The following EXOC6 variants were observed in gnomAD, a reference collection of about 807,000 sequenced individuals.
EXOC6 encodes SEC15-like 1.
Under a neutral mutation model 112.5 loss-of-function variants are expected in EXOC6, and 60 were observed. The ratio of observed to expected loss-of-function variants is 0.53; its 90% confidence interval spans 0.43 to 0.66. The LOEUF (loss-of-function observed/expected upper bound fraction) is 0.66. Ranked by LOEUF, EXOC6 falls within the 30% of genes least tolerant of loss-of-function variation. The pLI, the probability that EXOC6 is intolerant of heterozygous loss-of-function variation, is 0.00. For missense variants in EXOC6, 855 were observed against 957.1 expected, an observed-to-expected ratio of 0.89 and a Z score of 1.41; for synonymous variants, 295 against 308.0, an observed-to-expected ratio of 0.96 and a Z score of 0.44.
rs58871930 is a variant in EXOC6 at position 92,837,097 on chromosome 10, A to AACACACACACACACACAC, written c.86+2295_86+2312dup. Among the ~76,000 whole-genome samples, 10 of 139,778 alleles carry AACACACACACACACACAC rather than the reference A, an allele frequency of 7.2e-5. 1 individual carries two copies. Among genetic ancestry groups the AACACACACACACACACAC allele is most frequent in the Non-Finnish European group, 1.1e-4 (7 of 64,830 alleles). The allele number at this position is 139,778 out of a possible 152,430, so 91.7% of individuals were successfully genotyped here. On this transcript the variant is annotated intron_variant, in intron 1 of 21. Coordinates refer to the EXOC6 transcript ENST00000371552. ...CTTTAGCCTGAAATGGTTATAACAT[A>AACACACACACACACACAC]ACACACACACACACACACACACACA...
At chr10:92,999,521 C>T (rs1564899007) in intron 19 of EXOC6, 1 of 224,520 alleles carries the variant, frequency 4.5e-6, no homozygotes, top group South Asian at 5.3e-5. Context: ...AAGACATTTT[C>T]GTGTTACAGT....
intron 9 of EXOC6, among the ~76,000 whole-genome samples, chr10:92,932,589 T>C (rs772026305): frequency 4.6e-5 from 7 of 152,224 alleles, no homozygotes; most frequent in Admixed American, 1.3e-4. Flanking sequence ...TAGGATTCTA[T>C]ATCCAGTGAA....
chr10:93,035,632 AT>A (rs1845482224), intron 20 of EXOC6, among the ~76,000 whole-genome samples: 1 of 152,132 alleles, frequency 6.6e-6, no homozygotes, highest in Non-Finnish European at 1.5e-5. Flanking sequence ...AGGTGAGCGG[AT>A]CACTTGAGGC....
chr10:92,831,588 C>T (rs936528968), upstream of EXOC6, among the ~76,000 whole-genome samples: 4 of 152,150 alleles, frequency 2.6e-5, no homozygotes, highest in South Asian at 8.3e-4. Context: ...TGCGTGCCAC[C>T]ATGCCTGGCT....
Position 92,863,640 on chromosome 10 carries a change from C to T in EXOC6, c.101+15006C>T, listed in dbSNP as rs185434717. Among the ~76,000 whole-genome samples, 7 of 152,016 alleles carry T rather than the reference C, an allele frequency of 4.6e-5. No homozygotes were observed. The East Asian group carries it at 1.2e-3, about 25-fold the overall frequency. On this transcript the variant is annotated intron_variant, in intron 1 of 21. Coordinates refer to ENST00000260762, the MANE Select transcript of EXOC6 (RefSeq NM_019053.6). ...AAAAAATTTTAAGAAAAGTCCGGTG[C>T]GGTGGCTCACGCCTGTAATCCCAGC...
At chr10:93,038,861 A>C (rs1771438875) in intron 20 of EXOC6, among the ~76,000 whole-genome samples, 1 of 152,244 alleles carries the variant, frequency 6.6e-6, no homozygotes, top group South Asian at 2.1e-4. Context: ...ACAAAGGAAA[A>C]GTAAGTATAT....
chr10:92,871,344 T>C (rs1848435491), intron 1 of EXOC6, among the ~76,000 whole-genome samples: 1 of 150,882 alleles, frequency 6.6e-6, no homozygotes, highest in Admixed American at 6.6e-5. Context: ...CTGCGTGACA[T>C]AGGGAGACCC....
At chr10:93,037,052 TTAAC>T (rs1845545087) in intron 20 of EXOC6, among the ~76,000 whole-genome samples, 1 of 152,182 alleles carries the variant, frequency 6.6e-6, no homozygotes, top group Non-Finnish European at 1.5e-5. Flanking sequence ...AAACTAATGA[TTAAC>T]TATTAACATT....
intron 13 of EXOC6, among the ~76,000 whole-genome samples, chr10:92,945,027 C>T (rs1358182531): frequency 6.6e-6 from 1 of 152,156 alleles, no homozygotes; most frequent in Non-Finnish European, 1.5e-5. Flanking sequence ...CTGCTTCCGC[C>T]TCCCAAAGTG....
chr10:92,834,700 C>T, upstream of EXOC6: 1 of 1,524,836 alleles, frequency 6.6e-7, no homozygotes, highest in Non-Finnish European at 9.0e-7. Context: ...CACTCAATAT[C>T]TGACATCTGC....
intron 1 of EXOC6, among the ~76,000 whole-genome samples, chr10:92,843,216 G>T (rs1589679749): frequency 6.6e-6 from 1 of 152,260 alleles, no homozygotes; most frequent in South Asian, 2.1e-4. Context: ...TTTACAGCAG[G>T]AATCCTCCCA....
chr10:92,979,154 G>T (rs770975927), intron 18 of EXOC6, among the ~76,000 whole-genome samples: 2 of 152,068 alleles, frequency 1.3e-5, no homozygotes, highest in Non-Finnish European at 2.9e-5. Flanking sequence ...CCTGCCAAAA[G>T]GGATCCCTTC....
At chr10:92,932,295 C>T (rs999691623) in intron 9 of EXOC6, among the ~76,000 whole-genome samples, 1 of 151,980 alleles carries the variant, frequency 6.6e-6, no homozygotes, top group Non-Finnish European at 1.5e-5. Flanking sequence ...GCTATGGGTT[C>T]GGCAGGATAA....
At chr10:92,859,766 C>T (rs1433355136) in intron 1 of EXOC6, among the ~76,000 whole-genome samples, 2 of 151,732 alleles carry the variant, frequency 1.3e-5, no homozygotes, top group South Asian at 2.1e-4. Flanking sequence ...ACAATCTTTC[C>T]TTCACTGCAG....
intron 1 of EXOC6, among the ~76,000 whole-genome samples, chr10:92,856,157 C>T (rs979424116): frequency 1.3e-5 from 2 of 152,010 alleles, no homozygotes; most frequent in African/African-American, 4.8e-5. Context: ...AGCCACTGCA[C>T]CTGGCCTCTC....
At chr10:92,860,514 G>T (rs1158698978) in intron 1 of EXOC6, among the ~76,000 whole-genome samples, 2 of 152,030 alleles carry the variant, frequency 1.3e-5, no homozygotes, top group Non-Finnish European at 2.9e-5. Flanking sequence ...ACCCGCCTCG[G>T]CCTCCCAAAG....
intron 20 of EXOC6, among the ~76,000 whole-genome samples, chr10:93,017,885 C>G (rs1417287826): frequency 6.6e-6 from 1 of 151,788 alleles, no homozygotes. Flanking sequence ...TGGTGCACAC[C>G]TGTAATCCCA....
intron 20 of EXOC6, among the ~76,000 whole-genome samples, chr10:93,019,793 C>T (rs835256): frequency 0.13 from 19,698 of 152,122 alleles, 1,430 homozygotes; most frequent in African/African-American, 0.18. Flanking sequence ...TCAAGGACCT[C>T]GAAAAGTGAA....
intron 19 of EXOC6, among the ~76,000 whole-genome samples, chr10:93,011,223 A>G (rs1169449055): frequency 1.5e-5 from 2 of 137,160 alleles, no homozygotes; most frequent in African/African-American, 2.8e-5. Flanking sequence ...TTTTGTGACC[A>G]AAAAAAAAAA....
Sources: gnomAD v4.1 joint callset for allele counts (sites outside exome capture counted in the v4.1 genomes callset) on GRCh38, gnomAD v4.1.1 for gene constraint, MANE v1.5 for transcripts, NCBI Gene and HGNC (gene_info 2026-07-23, HGNC 2026-07-21) for gene names.